Variants in PFDN2 observed in about 807,000 individuals in gnomAD.
PFDN2 encodes the protein prefoldin subunit 2.
A neutral mutation model predicts 18.3 loss-of-function variants in PFDN2; 7 were observed. The observed-to-expected ratio is 0.38, with a 90% CI of 0.22 to 0.72. The LOEUF (loss-of-function observed/expected upper bound fraction) is 0.72, where lower values mean the gene tolerates loss of function less well. Ranked by LOEUF, PFDN2 falls within the 30% of genes least tolerant of loss-of-function variation. The probability of loss-of-function intolerance (pLI) is 0.47; values close to 1 mark genes in which losing one functional copy is unlikely to be tolerated. For synonymous variants in PFDN2, 76 were observed against 75.0 expected, an observed-to-expected ratio of 1.01 and a Z score of -0.07; for missense variants, 181 against 199.1, an observed-to-expected ratio of 0.91 and a Z score of 0.55.
At chr1:161,113,298 G>C (rs1477911450) in intron 1 of PFDN2, among the ~76,000 whole-genome samples, 1 of 152,008 alleles carries the variant, frequency 6.6e-6, no homozygotes, top group Non-Finnish European at 1.5e-5. Context: ...TCAGGGTTCT[G>C]CTCAAATACC....
chr1:161,109,043 A>G (rs1428441856), intron 1 of PFDN2, among the ~76,000 whole-genome samples: 70 of 152,178 alleles, frequency 4.6e-4, no homozygotes, highest in Non-Finnish European at 4.4e-5. Flanking sequence ...AACCTTCTCA[A>G]TGCTCACAGG....
At chr1:161,106,290 T>C (rs1654675801) in intron 1 of PFDN2, among the ~76,000 whole-genome samples, 1 of 152,136 alleles carries the variant, frequency 6.6e-6, no homozygotes, top group Non-Finnish European at 1.5e-5. Context: ...TTAAACCACT[T>C]TTCTTATAAA....
chr1:161,111,612 T>C (rs1007628599), intron 1 of PFDN2, among the ~76,000 whole-genome samples: 3 of 152,172 alleles, frequency 2.0e-5, no homozygotes, highest in African/African-American at 7.2e-5. Context: ...AGGGTAACAA[T>C]GAGAACTAAC....
chr1:161,114,737 T>C (rs1180907946), intron 1 of PFDN2, among the ~76,000 whole-genome samples: 2 of 152,252 alleles, frequency 1.3e-5, no homozygotes, highest in African/African-American at 2.4e-5. Flanking sequence ...TAGTAAATAG[T>C]AGAAATGAAA....
chr1:161,112,130 G>A (rs1026733486), intron 1 of PFDN2, among the ~76,000 whole-genome samples: 2 of 152,128 alleles, frequency 1.3e-5, no homozygotes, highest in African/African-American at 4.8e-5. Flanking sequence ...CTGTCTCACA[G>A]AATGCATAAG....
At chr1:161,117,421 G>C (rs1654982696) in intron 1 of PFDN2, among the ~76,000 whole-genome samples, 2 of 152,180 alleles carry the variant, frequency 1.3e-5, no homozygotes, top group African/African-American at 4.8e-5. Flanking sequence ...GGATTAGAAA[G>C]GGGTTTCTGG....
chr1:161,106,648 G>C (rs1431497302), intron 1 of PFDN2, among the ~76,000 whole-genome samples: 1 of 152,148 alleles, frequency 6.6e-6, no homozygotes, highest in Non-Finnish European at 1.5e-5. Flanking sequence ...TTTAGACAGG[G>C]TCTTACTTGA....
At chr1:161,113,791 C>T (rs560033208) in intron 1 of PFDN2, among the ~76,000 whole-genome samples, 2 of 152,272 alleles carry the variant, frequency 1.3e-5, no homozygotes, top group East Asian at 3.9e-4. Flanking sequence ...CAGTCAGTAA[C>T]AGAAGGTAAA....
At chr1:161,104,783 C>A (rs552958626) in intron 1 of PFDN2, among the ~76,000 whole-genome samples, 3 of 152,198 alleles carry the variant, frequency 2.0e-5, no homozygotes, top group African/African-American at 7.2e-5. Flanking sequence ...CAAATATTAT[C>A]CAAATGGCTG....
chr1:161,116,573 C>T (rs375180755), intron 1 of PFDN2, among the ~76,000 whole-genome samples: 41 of 152,302 alleles, frequency 2.7e-4, no homozygotes, highest in African/African-American at 9.1e-4. Context: ...AAGTCAGAAA[C>T]CATATTCCAT....
chr1:161,110,751 T>C (rs1399040013), intron 1 of PFDN2, among the ~76,000 whole-genome samples: 1 of 152,050 alleles, frequency 6.6e-6, no homozygotes, highest in East Asian at 1.9e-4. Flanking sequence ...CTCAACTCTC[T>C]GTCAAAGAAA....
In PFDN2 at chr1:161,117,911, G is replaced by A. The variant is rs377377693; in HGVS notation, c.75+41C>T. The A allele has an allele frequency of 2.8e-5, 43 of 1,543,066 alleles. No individual in the cohort carries two copies. The African/African-American group carries it at 4.9e-4, about 18-fold the overall frequency. ...GCTCCCCCTTCTCGCTAGTATTCCA[G>A]ACCCAGGTGGGTACCCTGCTTCGCG... On this transcript the variant is annotated intron_variant, in intron 1 of 3. Transcript: ENST00000368010.
chr1:161,101,286 G>A (rs1654552892), intron 3 of PFDN2, among the ~76,000 whole-genome samples: 2 of 150,504 alleles, frequency 1.3e-5, no homozygotes, highest in African/African-American at 2.4e-5. Flanking sequence ...TGCAAGCTCC[G>A]CCTCGCAGGT....
intron 2 of PFDN2, 44 bp downstream of exon 2, chr1:161,102,243 C>T: frequency 6.2e-7 from 1 of 1,610,228 alleles, no homozygotes; most frequent in Non-Finnish European, 8.5e-7. Context: ...CACGGAGTAG[C>T]CCACACAACT....
Position 161,101,908 on chromosome 1 carries a change from T to A in PFDN2, c.288+140A>T, listed in dbSNP as rs1571180805. On this transcript the variant is annotated intron_variant, in intron 3 of 3. Coordinates refer to ENST00000368010, the MANE Select transcript of PFDN2 (RefSeq NM_012394.4). ...CACCATACCCAGCTAATCTTTTGTATTTTTTGTAGTGATATGGTTTCACCA... is the reference window on the plus strand; with the variant it reads ...CACCATACCCAGCTAATCTTTTGTAATTTTTGTAGTGATATGGTTTCACCA... 8 of 784,354 alleles carry A rather than the reference T, an allele frequency of 1.0e-5. No individual in the cohort carries two copies. The East Asian group carries it at 1.9e-4, about 18-fold the overall frequency. 48.6% of individuals were successfully genotyped at this position (784,354 alleles called of 1,614,324 possible). A position where few individuals can be genotyped will look rare whatever the true frequency, so the allele number is the denominator to read the frequency against.
In PFDN2 at chr1:161,100,785, C is replaced by G. The variant is rs1307513910; in HGVS notation, c.363G>C (p.Lys121Asn). 1 of 1,614,036 alleles carries G rather than the reference C, an allele frequency of 6.2e-7. No individual in the cohort carries two copies. ...KGKELNEFREKHNIRLMGEDE... is the reference protein window; with the variant it reads ...KGKELNEFRENHNIRLMGEDE... Reference sequence around the variant, plus strand: ...CTTCTCCCATGAGACGAATGTTGTGCTTTTCCCGGAATTCATTTAGTTCTT... The same window carrying G: ...CTTCTCCCATGAGACGAATGTTGTGGTTTTCCCGGAATTCATTTAGTTCTT... Residue 121 changes from lysine to asparagine, a missense_variant, in exon 4 of 4, where the codon AAG becomes AAC. Transcript: ENST00000368010.
chr1:161,103,455 C>T (rs936298061), intron 1 of PFDN2, among the ~76,000 whole-genome samples: 4 of 151,050 alleles, frequency 2.6e-5, no homozygotes, highest in Admixed American at 6.6e-5. Flanking sequence ...TTTGGGAGGC[C>T]GAGGTGGGCA....
intron 1 of PFDN2, among the ~76,000 whole-genome samples, chr1:161,103,406 A>AG (rs397773444): frequency 1.1e-4 from 17 of 150,842 alleles, no homozygotes; most frequent in Non-Finnish European, 2.4e-4. Flanking sequence ...AAAAAAAAAA[A>AG]GGGCCAGGCG....
At chr1:161,102,618 G>A (rs1423142491) in intron 1 of PFDN2, among the ~76,000 whole-genome samples, 2 of 152,120 alleles carry the variant, frequency 1.3e-5, no homozygotes, top group Non-Finnish European at 2.9e-5. Context: ...AATAGATTTG[G>A]CCTCTGGCTT....
Sources: allele counts gnomAD v4.1 joint callset (sites outside exome capture counted in the v4.1 genomes callset), GRCh38; gene constraint gnomAD v4.1.1; transcripts MANE v1.5; gene names NCBI Gene and HGNC (gene_info 2026-07-23, HGNC 2026-07-21).